The following CAMTA1 variants were observed in gnomAD, a reference collection of about 807,000 sequenced individuals.
CAMTA1 encodes calmodulin binding transcription activator 1, also known as calmodulin-binding transcription activator 1.
Under a neutral mutation model 170.9 loss-of-function variants are expected in CAMTA1, and 27 were observed. The ratio of observed to expected loss-of-function variants is 0.16; its 90% CI spans 0.12 to 0.22. CAMTA1 has a LOEUF of 0.22. Ranked by LOEUF, CAMTA1 falls within the 10% of genes least tolerant of loss-of-function variation. The pLI is 1.00. For synonymous variants in CAMTA1, 833 were observed against 891.5 expected, an observed-to-expected ratio of 0.93 and a Z score of 1.17; for missense variants, 1,619 against 2,217.2, an observed-to-expected ratio of 0.73 and a Z score of 5.42.
chr1:7,741,933 G>A (rs1423445739), intron 16 of CAMTA1, among the ~76,000 whole-genome samples: 2 of 135,934 alleles, frequency 1.5e-5, no homozygotes, highest in African/African-American at 5.3e-5. Context: ...CACCATGCCC[G>A]GCCTCGGGTT....
rs149540523 is a variant in CAMTA1, at chr1:7,688,285, G to A, written c.2914+10552G>A. On this transcript the variant is annotated intron_variant, in intron 11 of 22. Transcript: ENST00000303635. ...CTCCCAAAGTGCTGGGATTACAGGC[G>A]TGAGCCACCATGCCCAGCCGGACTC... Among the ~76,000 whole-genome samples, 78 of 152,216 alleles carry A rather than the reference G, an allele frequency of 5.1e-4. No homozygotes were observed. The East Asian group carries it at 0.014, about 26-fold the overall frequency.
intron 6 of CAMTA1, among the ~76,000 whole-genome samples, chr1:7,507,044 T>C (rs1024379465): frequency 1.3e-5 from 2 of 149,432 alleles, no homozygotes; most frequent in African/African-American, 5.1e-5. Flanking sequence ...GCTCACATTA[T>C]CACACTCAAA....
chr1:7,390,904 C>G (rs1358835655), intron 5 of CAMTA1, among the ~76,000 whole-genome samples: 2 of 152,224 alleles, frequency 1.3e-5, no homozygotes, highest in African/African-American at 2.4e-5. Flanking sequence ...TCTACACTTT[C>G]ATGAGAAGGA....
chr1:6,808,460 C>T (rs1280180016), intron 1 of CAMTA1, among the ~76,000 whole-genome samples: 2 of 152,178 alleles, frequency 1.3e-5, no homozygotes, highest in Non-Finnish European at 2.9e-5. Flanking sequence ...CACACACGCT[C>T]ACCCATGCTC....
At chr1:7,637,763 T>G (rs1226250503) in intron 6 of CAMTA1, among the ~76,000 whole-genome samples, 1 of 152,080 alleles carries the variant, frequency 6.6e-6, no homozygotes, top group Non-Finnish European at 1.5e-5. Flanking sequence ...TACAGGCACC[T>G]CTCTATAGAC....
intron 3 of CAMTA1, among the ~76,000 whole-genome samples, chr1:6,937,532 A>G (rs1685598349): frequency 1.5e-5 from 1 of 68,702 alleles, no homozygotes; most frequent in South Asian, 5.7e-4. Context: ...CATCACCATC[A>G]CCATTCACCA....
intron 5 of CAMTA1, among the ~76,000 whole-genome samples, chr1:7,284,162 CTTCTTCTTCTTCTTCTTATTATTATTA>C (rs1372831746): frequency 3.8e-4 from 45 of 117,384 alleles, no homozygotes; most frequent in African/African-American, 1.3e-3. Flanking sequence ...TCTTCTTCTT[CTTCTTCTTCTTCTTCTTATTATTATTA>C]TTATTATTAT....
At position 7,634,909 on chromosome 1, in the gene CAMTA1, A is replaced by C. The variant is rs529710098; in HGVS notation, c.511-5491A>C. 6.6e-6 allele frequency among the ~76,000 whole-genome samples: 1 copy of C among 152,282 alleles called. No individual in the cohort carries two copies. The highest frequency in any genetic ancestry group is 1.5e-5 in the Non-Finnish European group (1 of 68,012). ...AGCAGCCCCAGTGAGAAAGAGGCGC[A>C]GCTTCCATGCTTATGGGTGAGGAGC... On this transcript the variant is annotated intron_variant, in intron 6 of 22. Coordinates refer to ENST00000303635, the MANE Select transcript of CAMTA1 (RefSeq NM_015215.4). This position sits in a 1 kb window ranked among gnomAD's most constrained non-coding sequence, Gnocchi z 6.2.
intron 11 of CAMTA1, among the ~76,000 whole-genome samples, chr1:7,728,615 G>C (rs1032094863): frequency 6.6e-6 from 1 of 152,206 alleles, no homozygotes; most frequent in Admixed American, 6.5e-5. Flanking sequence ...GATGCATAAC[G>C]ATCTCCAAGT....
intron 4 of CAMTA1, among the ~76,000 whole-genome samples, chr1:7,108,773 T>C (rs1558113081): frequency 2.0e-5 from 3 of 152,354 alleles, no homozygotes; most frequent in South Asian, 2.1e-4. Flanking sequence ...AGTTACCTAA[T>C]TGCCTCAAAA....
chr1:6,969,199 C>T (rs1228087946), intron 3 of CAMTA1, among the ~76,000 whole-genome samples: 2 of 152,124 alleles, frequency 1.3e-5, no homozygotes, highest in South Asian at 2.1e-4. Context: ...GTTGGATCAG[C>T]CCGAGCCATG....
At chr1:7,378,006 A>G (rs184290078) in intron 5 of CAMTA1, among the ~76,000 whole-genome samples, 4 of 152,322 alleles carry the variant, frequency 2.6e-5, no homozygotes, top group Non-Finnish European at 4.4e-5. Flanking sequence ...TTCCAAGACT[A>G]TGGCGGAATC....
intron 5 of CAMTA1, among the ~76,000 whole-genome samples, chr1:7,360,800 C>T (rs1040035380): frequency 2.0e-5 from 3 of 152,264 alleles, no homozygotes; most frequent in Non-Finnish European, 4.4e-5. Context: ...GAGGCCATCC[C>T]TCTCCTGCCA....
chr1:7,551,121 A>G (rs1213123883), intron 6 of CAMTA1, among the ~76,000 whole-genome samples: 3 of 152,114 alleles, frequency 2.0e-5, no homozygotes, highest in Non-Finnish European at 4.4e-5. Context: ...AAGCACCACG[A>G]GGTTACTCAC....
At chr1:7,740,325 T>G (rs4908690) in intron 16 of CAMTA1, among the ~76,000 whole-genome samples, 101,540 of 152,036 alleles carry the variant, frequency 0.67, 34,534 homozygotes, top group Admixed American at 0.77. Flanking sequence ...AACGGAGGAG[T>G]GTGGCTGTTT....
chr1:7,083,343 TA>T (rs1223922834), intron 3 of CAMTA1, among the ~76,000 whole-genome samples: 8 of 152,064 alleles, frequency 5.3e-5, no homozygotes, highest in Non-Finnish European at 8.8e-5. Context: ...TCCATGCAAA[TA>T]AAAAAAATAT....
intron 3 of CAMTA1, among the ~76,000 whole-genome samples, chr1:7,052,236 C>T (rs896188796): frequency 1.1e-4 from 16 of 149,652 alleles, no homozygotes; most frequent in African/African-American, 3.5e-4. Context: ...TGGTCGCTGG[C>T]GGGTTCTTGT....
chr1:7,452,205 G>A (rs973215125), intron 5 of CAMTA1, among the ~76,000 whole-genome samples: 10 of 152,166 alleles, frequency 6.6e-5, no homozygotes, highest in South Asian at 2.1e-4. Context: ...ATAGACTCAC[G>A]GGGGGTCTGT....
At chr1:6,801,349 T>C (rs1442205193) in intron 1 of CAMTA1, among the ~76,000 whole-genome samples, 5 of 152,128 alleles carry the variant, frequency 3.3e-5, no homozygotes, top group African/African-American at 1.2e-4. Context: ...TTTTAGTCTC[T>C]TTAGCTTCTG....
Sources: allele counts gnomAD v4.1 joint callset (sites outside exome capture counted in the v4.1 genomes callset), GRCh38; gene constraint gnomAD v4.1.1; non-coding constraint Gnocchi (gnomAD v3.1); transcripts MANE v1.5; gene names NCBI Gene and HGNC (gene_info 2026-07-23, HGNC 2026-07-21).